IL1RAPL2: variants seen among roughly 807,000 people sequenced by gnomAD.
IL1RAPL2 encodes interleukin 1 receptor accessory protein like 2.
A neutral mutation model predicts 44.1 loss-of-function variants in IL1RAPL2; 3 were observed. That is an observed-to-expected ratio of 0.07 (90% CI 0.03 to 0.18). IL1RAPL2 has a LOEUF of 0.18. Ranked by LOEUF, IL1RAPL2 falls within the 10% of genes least tolerant of loss-of-function variation. The pLI is 1.00. For synonymous variants in IL1RAPL2, 181 were observed against 178.8 expected (o/e 1.01, Z -0.10); for missense variants, 391 against 496.4 (o/e 0.79, Z 2.02).
chrX:105,089,775 G>C (rs2032521079), intron 2 of IL1RAPL2, among the ~76,000 whole-genome samples: 1 of 111,509 alleles, frequency 9.0e-6, no homozygotes, highest in South Asian at 3.8e-4. Flanking sequence ...ATAAAATTGA[G>C]GCTTAGAAAG....
rs185665860 is a variant in IL1RAPL2, at chrX:105,593,982, C to T, written c.772+109595C>T. ...CTATGGACAGAGAATATTGTCAGTA[C>T]GATACCTACTCTTTAAAATTTGTTA... is the stretch of plus-strand genomic sequence containing the variant. On this transcript the variant is annotated intron_variant, in intron 6 of 10. Coordinates refer to ENST00000372582, the MANE Select transcript of IL1RAPL2 (RefSeq NM_017416.2). 1.0e-3 allele frequency among the ~76,000 whole-genome samples: 116 copies of T among 112,018 alleles called. 1 individual carries two copies. The highest frequency in any genetic ancestry group is 5.9e-3 in the South Asian group (16 of 2,695).
chrX:105,636,942 C>A (rs1401468218), intron 6 of IL1RAPL2, among the ~76,000 whole-genome samples: 5 of 111,374 alleles, frequency 4.5e-5, no homozygotes, highest in Non-Finnish European at 9.4e-5. Context: ...CTGGCTTCAT[C>A]CTCAGTGTCT....
chrX:105,556,058 T>A (rs1411597859), intron 6 of IL1RAPL2, among the ~76,000 whole-genome samples: 3 of 111,601 alleles, frequency 2.7e-5, no homozygotes, highest in Non-Finnish European at 3.8e-5. Flanking sequence ...ATTTAGTTTA[T>A]CCTTCTTTAA....
chrX:104,908,164 T>C (rs947040507), intron 2 of IL1RAPL2, among the ~76,000 whole-genome samples: 1 of 111,595 alleles, frequency 9.0e-6, no homozygotes, highest in Non-Finnish European at 1.9e-5. Context: ...TGGTAGATTT[T>C]CCTCCATCCT....
intron 2 of IL1RAPL2, among the ~76,000 whole-genome samples, chrX:104,844,913 T>C (rs1199676689): frequency 8.9e-6 from 1 of 111,999 alleles, no homozygotes; most frequent in Non-Finnish European, 1.9e-5. Context: ...GAAGTTGCCT[T>C]TATGGCTTTT....
chrX:105,058,105 C>T (rs1049194893), intron 2 of IL1RAPL2, among the ~76,000 whole-genome samples: 5 of 106,795 alleles, frequency 4.7e-5, no homozygotes, highest in African/African-American at 1.1e-4. Flanking sequence ...CCTGCCACCA[C>T]GCCCGGCTAT....
At chrX:104,593,362 G>T (rs1345432649) in intron 1 of IL1RAPL2, among the ~76,000 whole-genome samples, 1 of 111,428 alleles carries the variant, frequency 9.0e-6, no homozygotes, top group Non-Finnish European at 1.9e-5. Flanking sequence ...AAAATATTTT[G>T]GGGAGAAACC....
intron 2 of IL1RAPL2, among the ~76,000 whole-genome samples, chrX:105,114,769 A>G (rs1044250311): frequency 4.5e-5 from 5 of 112,061 alleles, no homozygotes; most frequent in Non-Finnish European, 7.5e-5. Flanking sequence ...AATGTTGCCA[A>G]GCAGCTTTTT....
chrX:104,621,591 T>C (rs1404119741), intron 1 of IL1RAPL2, among the ~76,000 whole-genome samples: 1 of 110,828 alleles, frequency 9.0e-6, no homozygotes, highest in East Asian at 2.9e-4. Context: ...CCACCCATTA[T>C]GGACATAGGT....
intron 6 of IL1RAPL2, among the ~76,000 whole-genome samples, chrX:105,541,521 A>G (rs767555713): frequency 8.1e-5 from 9 of 111,549 alleles, no homozygotes; most frequent in Admixed American, 1.9e-4. Flanking sequence ...GTAAATCTGG[A>G]CAAAGTAGTT....
At chrX:105,621,179 A>C (rs2037416743) in intron 6 of IL1RAPL2, among the ~76,000 whole-genome samples, 2 of 111,860 alleles carry the variant, frequency 1.8e-5, no homozygotes, top group Admixed American at 1.9e-4. Context: ...CATGTCATAA[A>C]TATATCTAAT....
intron 1 of IL1RAPL2, among the ~76,000 whole-genome samples, chrX:104,635,256 C>CT (rs1929767032): frequency 9.0e-6 from 1 of 111,574 alleles, no homozygotes; most frequent in Non-Finnish European, 1.9e-5. Context: ...CCCGACCTTT[C>CT]TCTCTGGCTG....
intron 6 of IL1RAPL2, among the ~76,000 whole-genome samples, chrX:105,583,463 G>C (rs970305781): frequency 1.8e-5 from 2 of 111,786 alleles, no homozygotes; most frequent in Admixed American, 9.5e-5. Flanking sequence ...TTGATGCAAG[G>C]ATACTCAGGT....
At chrX:105,167,493 G>T (rs187729460) in intron 2 of IL1RAPL2, among the ~76,000 whole-genome samples, 67 of 111,896 alleles carry the variant, frequency 6.0e-4, no homozygotes, top group African/African-American at 2.0e-3. Flanking sequence ...GGTCGATTTG[G>T]TTGATTCAGT....
At chrX:105,093,912 T>C (rs1369984247) in intron 2 of IL1RAPL2, among the ~76,000 whole-genome samples, 2 of 111,394 alleles carry the variant, frequency 1.8e-5, no homozygotes, top group Non-Finnish European at 3.8e-5. Flanking sequence ...CTAGGACCCT[T>C]AAAAGAGATT....
At chrX:104,891,329 T>A (rs764709985) in intron 2 of IL1RAPL2, among the ~76,000 whole-genome samples, 2 of 112,282 alleles carry the variant, frequency 1.8e-5, no homozygotes, top group Non-Finnish European at 3.8e-5. Flanking sequence ...TTTCCAATTT[T>A]GTGAAGAAAG....
chrX:104,915,439 G>A (rs1304435770), intron 2 of IL1RAPL2, among the ~76,000 whole-genome samples: 1 of 110,679 alleles, frequency 9.0e-6, no homozygotes, highest in Non-Finnish European at 1.9e-5. Context: ...TAAATTTGTT[G>A]GAGTTCATTG....
At chrX:105,484,749 ACTT>A (rs1442389967) in intron 6 of IL1RAPL2, among the ~76,000 whole-genome samples, 2 of 65,725 alleles carry the variant, frequency 3.0e-5, no homozygotes, top group East Asian at 1.0e-3. Flanking sequence ...GAGACCAAGC[ACTT>A]CTTAAAATAA....
At chrX:105,472,814 T>A (rs763965939) in intron 5 of IL1RAPL2, among the ~76,000 whole-genome samples, 1 of 112,129 alleles carries the variant, frequency 8.9e-6, no homozygotes, top group East Asian at 2.8e-4. Context: ...CTGACTTCAG[T>A]GATGGAAATG....
Sources: allele counts gnomAD v4.1 joint callset (sites outside exome capture counted in the v4.1 genomes callset), GRCh38; gene constraint gnomAD v4.1.1; transcripts MANE v1.5; gene names NCBI Gene and HGNC (gene_info 2026-07-23, HGNC 2026-07-21).